TASOR: variants seen among roughly 807,000 people sequenced by gnomAD.
The protein encoded by TASOR is protein TASOR.
TASOR carries 53 observed loss-of-function variants against 178.6 expected under a neutral mutation model. The observed-to-expected ratio is 0.30, with a 90% CI of 0.24 to 0.37. The LOEUF (loss-of-function observed/expected upper bound fraction) is 0.37. Among genes scored for constraint, TASOR ranks in the 10% least tolerant of loss-of-function variants. The pLI, the probability that TASOR is intolerant of heterozygous loss-of-function variation, is 1.00. For missense variants in TASOR, 1,815 were observed against 1,971.4 expected, an observed-to-expected ratio of 0.92 and a Z score of 1.50; for synonymous variants, 713 against 696.2, an observed-to-expected ratio of 1.02 and a Z score of -0.38.
At chr3:56,638,439 G>T (rs2077059269) in intron 17 of TASOR, among the ~76,000 whole-genome samples, 1 of 152,102 alleles carries the variant, frequency 6.6e-6, no homozygotes, top group Non-Finnish European at 1.5e-5. Context: ...ATATATTCTG[G>T]TCTTCCCAAA....
In TASOR at chr3:56,678,387, T is replaced by C. The variant is rs919765031; in HGVS notation, c.331+4289A>G. ...TAATAGAGTCAGGGTTTCACCACGT[T>C]GGCCAGGCTGGTCTCAAACTCCTGA... On this transcript the variant is annotated intron_variant, in intron 1 of 23. Transcript: ENST00000683822. Among the ~76,000 whole-genome samples the C allele has an allele frequency of 4.6e-5, 7 of 151,882 alleles. 1 individual carries two copies. The highest frequency in any genetic ancestry group is 1.3e-4 in the Admixed American group (2 of 15,220).
intron 2 of TASOR, among the ~76,000 whole-genome samples, chr3:56,671,923 A>G (rs2030777228): frequency 6.6e-6 from 1 of 152,166 alleles, no homozygotes; most frequent in South Asian, 2.1e-4. Flanking sequence ...AATTTATCTT[A>G]TAATTTTACC....
intron 7 of TASOR, 88 bp downstream of exon 7, chr3:56,666,172 G>T: frequency 8.6e-7 from 1 of 1,165,398 alleles, no homozygotes; most frequent in Non-Finnish European, 1.1e-6. Context: ...AAAATGGGAA[G>T]GAAACAAAAT....
intron 1 of TASOR, among the ~76,000 whole-genome samples, chr3:56,681,105 A>T (rs1025143608): frequency 2.0e-5 from 3 of 151,856 alleles, no homozygotes; most frequent in African/African-American, 7.3e-5. Context: ...AAAAAAAAAA[A>T]ATCACGGTTT....
At chr3:56,641,327 T>C (rs760298289) in intron 15 of TASOR, 22 bp downstream of exon 15, 2 of 1,560,262 alleles carry the variant, frequency 1.3e-6, no homozygotes, top group South Asian at 2.4e-5. Flanking sequence ...AACACAAAGG[T>C]AACCAACAGC....
At chr3:56,661,671 T>C (rs1309563411) in intron 9 of TASOR, among the ~76,000 whole-genome samples, 1 of 152,184 alleles carries the variant, frequency 6.6e-6, no homozygotes, top group Non-Finnish European at 1.5e-5. Context: ...ATATGCTGCA[T>C]AGGACTAAAA....
chr3:56,681,940 G>C (rs2031831459), intron 1 of TASOR, among the ~76,000 whole-genome samples: 1 of 152,090 alleles, frequency 6.6e-6, no homozygotes, highest in African/African-American at 2.4e-5. Context: ...GGTGACTCTT[G>C]AGAATAAGGT....
chr3:56,627,531 A>AAAT (rs755522600), intron 20 of TASOR, 51 bp downstream of exon 20: 2 of 1,586,896 alleles, frequency 1.3e-6, no homozygotes, highest in South Asian at 2.2e-5. Context: ...GTACATTAAA[A>AAAT]AGTATGAGAG....
At chr3:56,640,232 AT>A in intron 15 of TASOR, 102 bp from the exon 16 acceptor site, 1 of 971,972 alleles carries the variant, frequency 1.0e-6, no homozygotes, top group Non-Finnish European at 1.5e-6. Context: ...CAATCTAAAC[AT>A]TACAAATGCG....
At chr3:56,658,678 G>A (rs866387600) in intron 11 of TASOR, among the ~76,000 whole-genome samples, 14 of 152,278 alleles carry the variant, frequency 9.2e-5, no homozygotes, top group South Asian at 2.1e-4. Flanking sequence ...AGGCCGAGGC[G>A]GGTGGATCAC....
intron 1 of TASOR, among the ~76,000 whole-genome samples, chr3:56,679,919 C>T (rs1310291868): frequency 2.0e-5 from 3 of 152,116 alleles, no homozygotes; most frequent in African/African-American, 7.2e-5. Context: ...AAAATGTATA[C>T]CTTTCCAGTC....
At chr3:56,670,940 CAAAAA>C (rs11300845) in intron 3 of TASOR, among the ~76,000 whole-genome samples, 1 of 54,202 alleles carries the variant, frequency 1.8e-5, no homozygotes, top group African/African-American at 7.4e-5. Context: ...GACTCCATCT[CAAAAA>C]AAAAAAAAAA....
At position 56,621,860 on chromosome 3, in the gene TASOR, A is replaced by G. The variant is rs951866487; in HGVS notation, c.*1177T>C. 2 of 228,568 alleles carry G rather than the reference A, an allele frequency of 8.8e-6. No individual in the cohort carries two copies. Among genetic ancestry groups the G allele is most frequent in the African/African-American group, 4.6e-5 (2 of 43,430 alleles). The allele number at this position is 228,568 out of a possible 1,614,324, so 14.2% of individuals were successfully genotyped here. On this transcript the variant is annotated 3_prime_UTR_variant, in exon 24 of 24. Transcript: ENST00000683822. ...AAACCGGTTCTTCTGCTCTGTCACC[A>G]CCTGGGTATTGAAGCCCTATAAAAA...
In TASOR at chr3:56,668,434, G is replaced by A. The variant is rs544092547; in HGVS notation, c.860C>T (p.Thr287Ile). ...CHVSKNANRI[T>I]SLLAYRAYEL... ...ATAGGCTCTGTAAGCCAAAAGTGAT[G>A]TAATTCGATTGGCATTCTTTGACAC... The change falls in exon 6 of 24, where the codon ACA (threonine) becomes ATA (isoleucine). Residue 287 changes from threonine (T) to isoleucine (I), a missense_variant. This residue lies in a region of TASOR where 504 missense variants were observed against 645.3 expected (regional missense o/e 0.78). Transcript: ENST00000683822. 4 of 1,551,668 alleles carry A rather than the reference G, an allele frequency of 2.6e-6. No individual in the cohort carries two copies. The highest frequency in any genetic ancestry group is 4.9e-5 in the East Asian group (2 of 40,914).
intron 16 of TASOR, 45 bp from the exon 17 acceptor site, chr3:56,638,810 C>A (rs771495719): frequency 2.6e-5 from 40 of 1,543,422 alleles, no homozygotes; most frequent in Non-Finnish European, 3.6e-5. Context: ...ATTAGTGATA[C>A]CTACACTAAG....
At chr3:56,656,353 T>A (rs1240499367) in intron 11 of TASOR, among the ~76,000 whole-genome samples, 2 of 151,214 alleles carry the variant, frequency 1.3e-5, no homozygotes, top group Non-Finnish European at 3.0e-5. Flanking sequence ...TTTGGGAGGT[T>A]GAGGCAGGCA....
intron 16 of TASOR, among the ~76,000 whole-genome samples, chr3:56,639,000 T>C (rs1044002766): frequency 5.9e-5 from 9 of 152,220 alleles, no homozygotes; most frequent in Admixed American, 5.9e-4. Flanking sequence ...CCTTCTTATA[T>C]CAACTACTTC....
At position 56,682,704 on chromosome 3, in the gene TASOR, C is replaced by T. The variant is rs2031915831; in HGVS notation, c.303G>A (p.Gln101=). The T allele has an allele frequency of 6.7e-7, 1 of 1,482,936 alleles. No individual in the cohort carries two copies. Among genetic ancestry groups the T allele is most frequent in the Non-Finnish European group, 9.0e-7 (1 of 1,114,076 alleles). The allele number at this position is 1,482,936 out of a possible 1,614,324, so 91.9% of individuals were successfully genotyped here. ...EPERPVRRSF[Q]IPRKSREKKA... is the part of the protein sequence containing the mutation. Reference sequence around the variant, plus strand: ...TCTTTTCTCTGCTCTTCCTGGGGATCTGAAAACTCCTCCTAACAGGCCTTT... The same window carrying T: ...TCTTTTCTCTGCTCTTCCTGGGGATTTGAAAACTCCTCCTAACAGGCCTTT... Residue 101 remains glutamine, a synonymous_variant, in exon 1 of 24, where the codon CAG becomes CAA. Transcript: ENST00000683822.
chr3:56,627,370 T>A (rs2076821925), intron 20 of TASOR, among the ~76,000 whole-genome samples: 1 of 152,216 alleles, frequency 6.6e-6, no homozygotes, highest in Non-Finnish European at 1.5e-5. Context: ...CAAGAAGTGA[T>A]TCAACTGCAG....
Sources: gnomAD v4.1 joint callset for allele counts (sites outside exome capture counted in the v4.1 genomes callset) on GRCh38, gnomAD v4.1.1 for gene constraint, gnomAD v4.1.1 regional missense constraint, MANE v1.5 for transcripts, NCBI Gene and HGNC (gene_info 2026-07-23, HGNC 2026-07-21) for gene names.